Variants in IMPDH2 observed in about 807,000 individuals in gnomAD.
IMPDH2 encodes the protein inosine-5'-monophosphate dehydrogenase 2.
In IMPDH2, 33 loss-of-function variants were observed where a neutral mutation model predicts 57.8. That is an observed-to-expected ratio of 0.57 (90% CI 0.43 to 0.76). The LOEUF (loss-of-function observed/expected upper bound fraction) is 0.76. Ranked by LOEUF, IMPDH2 falls within the 30% of genes least tolerant of loss-of-function variation. IMPDH2 has a pLI of 0.00. For synonymous variants in IMPDH2, 270 were observed against 241.3 expected (o/e 1.12, Z -1.10); for missense variants, 446 against 659.1 (o/e 0.68, Z 3.54).
At chr3:49,028,361 G>A (rs1559917393) in intron 3 of IMPDH2, 39 bp from the exon 4 acceptor site, 2 of 1,608,668 alleles carry the variant, frequency 1.2e-6, no homozygotes, top group Non-Finnish European at 1.7e-6. Flanking sequence ...GTGACAAGAA[G>A]CAGGACTGAA....
intron 9 of IMPDH2, among the ~76,000 whole-genome samples, chr3:49,025,770 G>A (rs73082350): frequency 0.012 from 1,794 of 152,354 alleles, 10 homozygotes; most frequent in Non-Finnish European, 0.016. Context: ...TACTGCAGAA[G>A]ATGTGGGCAG....
In IMPDH2 at chr3:49,024,509, G is replaced by T; in HGVS notation, c.1509C>A (p.Val503=). The T allele has an allele frequency of 6.2e-7, 1 of 1,614,212 alleles. No homozygotes were observed. Among genetic ancestry groups the T allele is most frequent in the African/African-American group, 1.3e-5 (1 of 75,044 alleles). ...RTSSAQVEGG[V]HSLHSYEKRL... ...GGGTGACTTACGAATGGAGGCTATG[G>T]ACGCCACCTTCCACCTGGGCTGAGG... Residue 503 remains valine, a synonymous_variant, in exon 13 of 14, where the codon GTC becomes GTA. Coordinates refer to ENST00000326739, the MANE Select transcript of IMPDH2 (RefSeq NM_000884.3).
chr3:49,029,258 G>C lies in IMPDH2; in HGVS notation c.93C>G (p.Thr31=), dbSNP rs772373426. The change falls in exon 1 of 14, where the codon ACC becomes ACG. Residue 31 remains threonine (T), a synonymous_variant. Coordinates refer to ENST00000326739, the MANE Select transcript of IMPDH2 (RefSeq NM_000884.3). ...QQLFNCGDGL[T]YNDFLILPGY... is the part of the protein sequence containing the mutation. The stretch of plus-strand genomic sequence containing the variant: ...TGAGCCCCATAGGCCCGCACTTGTA[G>C]GTGAGGCCGTCTCCGCAGTTGAAGA... 16 of 1,601,978 alleles carry C rather than the reference G, an allele frequency of 1.0e-5. No homozygotes were observed. The highest frequency in any genetic ancestry group is 1.3e-5 in the Non-Finnish European group (15 of 1,174,366).
In IMPDH2 at chr3:49,027,843, GCCTCAAAAACAT is replaced by G; in HGVS notation, c.386_397del (p.Asp129_Glu132del). ...ACCGCAGAAACCATGCCGGGCCTTG[GCCTCAAAAACAT>G]CCCGCACGCGATCCTTGGGGCTGAG... On this transcript the variant is annotated inframe_deletion, in exon 5 of 14. Coordinates refer to ENST00000326739, the MANE Select transcript of IMPDH2 (RefSeq NM_000884.3). The G allele has an allele frequency of 6.2e-7, 1 of 1,614,184 alleles. No individual in the cohort carries two copies. Among genetic ancestry groups the G allele is most frequent in the Non-Finnish European group, 8.5e-7 (1 of 1,180,010 alleles).
At chr3:49,029,087 C>T (rs528456861) in intron 1 of IMPDH2, 166 bp downstream of exon 1, 1 of 679,710 alleles carries the variant, frequency 1.5e-6, no homozygotes, top group African/African-American at 1.8e-5. Flanking sequence ...CTCCGTACCC[C>T]AAGCACCGCT....
chr3:49,027,141 C>T (rs1191259784), intron 5 of IMPDH2, 94 bp from the exon 6 acceptor site: 18 of 923,408 alleles, frequency 1.9e-5, no homozygotes, highest in South Asian at 7.8e-5. Context: ...CTCAGAGGCA[C>T]GCGCCACCAC....
intron 6 of IMPDH2, 24 bp downstream of exon 6, chr3:49,026,936 C>T: frequency 1.2e-6 from 2 of 1,613,584 alleles, no homozygotes; most frequent in Non-Finnish European, 1.7e-6. Context: ...TAGTTCCAGG[C>T]CCTTTCCCAG....
At chr3:49,029,215 C>T in intron 1 of IMPDH2, 38 bp downstream of exon 1, 1 of 1,498,092 alleles carries the variant, frequency 6.7e-7, no homozygotes, top group Non-Finnish European at 9.1e-7. Flanking sequence ...CAGGGTGCCG[C>T]CCCTCTCTTC....
chr3:49,025,333 C>T, intron 9 of IMPDH2, 64 bp from the exon 10 acceptor site: 3 of 1,587,646 alleles, frequency 1.9e-6, no homozygotes, highest in Non-Finnish European at 2.6e-6. Flanking sequence ...GACCCTGTGG[C>T]CATATTTAGG....
Position 49,026,506 on chromosome 3 carries a change from A to C in IMPDH2, c.910+13T>G, listed in dbSNP as rs753419653. The C allele has an allele frequency of 1.2e-6, 2 of 1,609,786 alleles. No homozygotes were observed. The highest frequency in any genetic ancestry group is 1.7e-6 in the Non-Finnish European group (2 of 1,176,002). On this transcript the variant is annotated intron_variant, in intron 8 of 13. Coordinates refer to ENST00000326739, the MANE Select transcript of IMPDH2 (RefSeq NM_000884.3). The stretch of plus-strand genomic sequence containing the variant: ...TCCCACCACACATCCTTCAGGGCAC[A>C]ATCTTGCCTTACCATTGCCTCCAAT...
chr3:49,028,179 C>T, intron 4 of IMPDH2, 69 bp downstream of exon 4: 1 of 1,267,700 alleles, frequency 7.9e-7, no homozygotes, highest in Non-Finnish European at 1.2e-6. Context: ...GAATAAACCC[C>T]TACTCCCACC....
intron 11 of IMPDH2, 25 bp downstream of exon 11, chr3:49,024,871 G>T (rs72624916): frequency 6.2e-7 from 1 of 1,614,230 alleles, no homozygotes; most frequent in African/African-American, 1.3e-5. Context: ...GGATTAGGGT[G>T]GGGTAACTGG....
At chr3:49,026,273 G>T in intron 9 of IMPDH2, 51 bp downstream of exon 9, 1 of 1,314,456 alleles carries the variant, frequency 7.6e-7, no homozygotes, top group Non-Finnish European at 1.1e-6. Flanking sequence ...TCCAAGGTAT[G>T]TGGGGCCTGA....
intron 1 of IMPDH2, 68 bp downstream of exon 1, chr3:49,029,185 C>G: frequency 7.7e-7 from 1 of 1,300,402 alleles, no homozygotes; most frequent in African/African-American, 1.5e-5. Context: ...CTCTCGGAAG[C>G]CCCCATCTGG....
rs1330462697 is a variant in IMPDH2 at position 49,029,254 on chromosome 3, TGTAG to T, written c.93_96del (p.Tyr32MetfsTer19). On this transcript the variant is annotated frameshift_variant and splice_region_variant, in exon 1 of 14. Transcript: ENST00000326739. LOFTEE classifies it high-confidence loss of function. Reference sequence around the variant, plus strand: ...CAGGTGAGCCCCATAGGCCCGCACTTGTAGGTGAGGCCGTCTCCGCAGTTGAAGA... The same window carrying T: ...CAGGTGAGCCCCATAGGCCCGCACTTGTGAGGCCGTCTCCGCAGTTGAAGA... 9 of 1,599,784 alleles carry T rather than the reference TGTAG, an allele frequency of 5.6e-6. No individual in the cohort carries two copies.
At chr3:49,029,184 GCCC>G in intron 1 of IMPDH2, 66 bp downstream of exon 1, 1 of 1,284,808 alleles carries the variant, frequency 7.8e-7, no homozygotes, top group Non-Finnish European at 1.1e-6. Flanking sequence ...GCTCTCGGAA[GCCC>G]CCATCTGGCC....
rs2093187348 is a variant in IMPDH2 at position 49,024,340 on chromosome 3, C to T, written c.*43G>A. ...CAGGCATCACTTTTTTCTTTCTAAA[C>T]TTTTATTGAAAAAAAAACCGAGGAG... On this transcript the variant is annotated 3_prime_UTR_variant, in exon 14 of 14. Transcript: ENST00000326739. 1 of 1,610,574 alleles carries T rather than the reference C, an allele frequency of 6.2e-7. No homozygotes were observed. Among genetic ancestry groups the T allele is most frequent in the Non-Finnish European group, 8.5e-7 (1 of 1,177,434 alleles).
In IMPDH2 at chr3:49,026,703, A is replaced by G; in HGVS notation, c.803T>C (p.Val268Ala). The change falls in exon 7 of 14, where the codon GTG becomes GCG. Residue 268 changes from valine (V) to alanine (A), a missense_variant. Physicochemically the swap from Val to Ala is moderately conservative, Grantham distance 64. Coordinates refer to ENST00000326739, the MANE Select transcript of IMPDH2 (RefSeq NM_000884.3). ...GCAGCTCACCAAAACCACTACATCC[A>G]CACCAGCCTGGGCGAGCAAGTCCAG... ...YRLDLLAQAG[V>A]DVVVLDSSQG... The G allele has an allele frequency of 6.2e-7, 1 of 1,614,132 alleles. No individual in the cohort carries two copies.
In IMPDH2 at chr3:49,026,971, C is replaced by T. The variant is rs761002300; in HGVS notation, c.608G>A (p.Arg203His). 3.7e-5 allele frequency: 60 copies of T among 1,613,840 alleles called. No homozygotes were observed. The highest frequency in any genetic ancestry group is 5.5e-5 in the South Asian group (5 of 91,082). ...TLKEANEILQ[R>H]SKKGKLPIVN... ...GCTCTAGGACTTACCCTTCTTGCTGCGCTGCAGAATTTCATTTGCCTCCTT... is the reference window on the plus strand; with the variant it reads ...GCTCTAGGACTTACCCTTCTTGCTGTGCTGCAGAATTTCATTTGCCTCCTT... Residue 203 changes from arginine to histidine, a missense_variant, in exon 6 of 14, where the codon CGC becomes CAC. Coordinates refer to ENST00000326739, the MANE Select transcript of IMPDH2 (RefSeq NM_000884.3).
Sources: gnomAD v4.1 joint callset for allele counts (sites outside exome capture counted in the v4.1 genomes callset) on GRCh38, gnomAD v4.1.1 for gene constraint, MANE v1.5 for transcripts, NCBI Gene and HGNC (gene_info 2026-07-23, HGNC 2026-07-21) for gene names.